Variants in GULP1 observed in about 807,000 individuals in gnomAD.
GULP1 encodes the protein GULP PTB domain containing engulfment adaptor 1, also known as PTB domain-containing engulfment adapter protein 1.
Under a neutral mutation model 40.9 loss-of-function variants are expected in GULP1, and 19 were observed. That is an observed-to-expected ratio of 0.46 (90% CI 0.32 to 0.68). GULP1 has a LOEUF of 0.68. Among genes scored for constraint, GULP1 ranks in the 30% least tolerant of loss-of-function variants. The pLI, the probability that GULP1 is intolerant of heterozygous loss-of-function variation, is 0.03. For missense variants in GULP1, 312 were observed against 362.2 expected (o/e 0.86, Z 1.12); for synonymous variants, 119 against 117.6 (o/e 1.01, Z -0.08).
intron 4 of GULP1, among the ~76,000 whole-genome samples, chr2:188,515,092 G>T (rs2065039777): frequency 6.6e-6 from 1 of 151,998 alleles, no homozygotes; most frequent in Non-Finnish European, 1.5e-5. Flanking sequence ...GCATCTTATG[G>T]TAAGTCCACA....
intron 1 of GULP1, among the ~76,000 whole-genome samples, chr2:188,339,143 T>C (rs915285721): frequency 1.3e-5 from 2 of 152,204 alleles, no homozygotes; most frequent in African/African-American, 4.8e-5. Flanking sequence ...TACTCTTATT[T>C]TTCTTGTTTA....
chr2:188,542,450 G>A (rs924859938), intron 7 of GULP1, among the ~76,000 whole-genome samples: 20 of 151,946 alleles, frequency 1.3e-4, no homozygotes, highest in African/African-American at 4.6e-4. Flanking sequence ...TGGACAATAG[G>A]TGCTCAATGA....
chr2:188,520,705 C>T (rs1202832295), intron 4 of GULP1, among the ~76,000 whole-genome samples: 2 of 152,126 alleles, frequency 1.3e-5, no homozygotes, highest in Non-Finnish European at 2.9e-5. Flanking sequence ...CCACTATCCT[C>T]ATGGCCTGTT....
At chr2:188,480,579 A>G (rs2153048866) in intron 3 of GULP1, among the ~76,000 whole-genome samples, 1 of 152,076 alleles carries the variant, frequency 6.6e-6, no homozygotes, top group Admixed American at 6.6e-5. Flanking sequence ...AGTGCTGAAT[A>G]TATTACAGTC....
intron 1 of GULP1, among the ~76,000 whole-genome samples, chr2:188,357,913 T>G (rs1467678096): frequency 2.6e-5 from 4 of 152,224 alleles, no homozygotes; most frequent in Non-Finnish European, 5.9e-5. Context: ...AGACAGTGGC[T>G]CACACCTGTA....
In GULP1 at chr2:188,292,302, G is replaced by C. The variant is rs1335738204; in HGVS notation, c.-172+136G>C. On this transcript the variant is annotated intron_variant, in intron 1 of 11. Coordinates refer to ENST00000409830, the MANE Select transcript of GULP1 (RefSeq NM_016315.4). The surrounding 1 kb of genome is among the most constrained non-coding windows in gnomAD (Gnocchi z 4.0). The stretch of plus-strand genomic sequence containing the variant: ...CGGCCACCAGTGCCCGGGAAGGAGG[G>C]CGCGGGGCTGCGCGTAGCCGCTGGC... 6.5e-6 allele frequency: 1 copy of C among 152,818 alleles called. No individual in the cohort carries two copies. Among genetic ancestry groups the C allele is most frequent in the East Asian group, 1.9e-4 (1 of 5,156 alleles). The allele number at this position is 152,818 out of a possible 1,614,324, so 9.5% of individuals were successfully genotyped here.
chr2:188,344,553 ATT>A (rs1292461252), intron 1 of GULP1, among the ~76,000 whole-genome samples: 1 of 152,216 alleles, frequency 6.6e-6, no homozygotes, highest in African/African-American at 2.4e-5. Context: ...GAAGGCGAGT[ATT>A]TGCTTTATGG....
intron 9 of GULP1, among the ~76,000 whole-genome samples, chr2:188,575,424 G>A (rs763061623): frequency 3.9e-5 from 6 of 152,050 alleles, no homozygotes; most frequent in Non-Finnish European, 5.9e-5. Context: ...AGAGAGGTTG[G>A]TAATAAACAC....
At chr2:188,370,218 G>A (rs1412257560) in intron 1 of GULP1, among the ~76,000 whole-genome samples, 1 of 152,120 alleles carries the variant, frequency 6.6e-6, no homozygotes, top group Non-Finnish European at 1.5e-5. Context: ...GAGAATGGGG[G>A]ATGACATTCA....
intron 2 of GULP1, among the ~76,000 whole-genome samples, chr2:188,391,467 G>T (rs2152551417): frequency 6.6e-6 from 1 of 152,156 alleles, no homozygotes; most frequent in South Asian, 2.1e-4. Context: ...TTTGTAACCT[G>T]AGACTTTACT....
chr2:188,298,131 G>A (rs2035377759), intron 1 of GULP1, among the ~76,000 whole-genome samples: 1 of 152,026 alleles, frequency 6.6e-6, no homozygotes, highest in Admixed American at 6.5e-5. Context: ...ATTTTTGTCT[G>A]CTTTGAGGAA....
intron 2 of GULP1, among the ~76,000 whole-genome samples, chr2:188,421,222 A>T (rs911745112): frequency 3.3e-5 from 5 of 152,224 alleles, no homozygotes; most frequent in Admixed American, 1.3e-4. Flanking sequence ...TTACAAAATC[A>T]AATTACAAAA....
At chr2:188,516,029 T>C (rs2065135706) in intron 4 of GULP1, among the ~76,000 whole-genome samples, 1 of 152,184 alleles carries the variant, frequency 6.6e-6, no homozygotes, top group Admixed American at 6.5e-5. Flanking sequence ...GCATTTTGCT[T>C]TCCTGTCTTT....
intron 2 of GULP1, among the ~76,000 whole-genome samples, chr2:188,394,238 T>C (rs1349555673): frequency 6.6e-6 from 1 of 152,152 alleles, no homozygotes; most frequent in East Asian, 1.9e-4. Context: ...ATTTTTTCTT[T>C]ATTTTTGTCT....
At chr2:188,335,141 T>C (rs1214150581) in intron 1 of GULP1, among the ~76,000 whole-genome samples, 1 of 152,218 alleles carries the variant, frequency 6.6e-6, no homozygotes, top group East Asian at 1.9e-4. Flanking sequence ...AAACTGTAAC[T>C]GAAAATTGAG....
intron 2 of GULP1, among the ~76,000 whole-genome samples, chr2:188,403,872 G>C (rs1417890532): frequency 6.6e-6 from 1 of 152,160 alleles, no homozygotes. Flanking sequence ...CTGTGGTCTA[G>C]ACAGCAAGGA....
intron 2 of GULP1, among the ~76,000 whole-genome samples, chr2:188,387,830 C>G (rs997342006): frequency 6.6e-6 from 1 of 152,028 alleles, no homozygotes; most frequent in Admixed American, 6.6e-5. Context: ...GGAACAATTG[C>G]AGGGGAGCCA....
At chr2:188,515,084 A>G (rs181669913) in intron 4 of GULP1, among the ~76,000 whole-genome samples, 1 of 152,310 alleles carries the variant, frequency 6.6e-6, no homozygotes, top group East Asian at 1.9e-4. Flanking sequence ...CAGTTGCTGC[A>G]TCTTATGGTA....
intron 1 of GULP1, among the ~76,000 whole-genome samples, chr2:188,318,296 G>T (rs929249492): frequency 1.6e-5 from 2 of 125,876 alleles, no homozygotes; most frequent in Admixed American, 7.5e-5. Flanking sequence ...TAGTCAGAGG[G>T]TATATAAATT....
Sources: gnomAD v4.1 joint callset for allele counts (sites outside exome capture counted in the v4.1 genomes callset) on GRCh38, gnomAD v4.1.1 for gene constraint, Gnocchi (gnomAD v3.1) non-coding constraint, MANE v1.5 for transcripts, NCBI Gene and HGNC (gene_info 2026-07-23, HGNC 2026-07-21) for gene names.